The following LRRFIP1 variants were observed in gnomAD, a reference collection of about 807,000 sequenced individuals.
LRRFIP1 encodes the protein leucine-rich repeat flightless-interacting protein 1.
In LRRFIP1, 62 loss-of-function variants were observed where a neutral mutation model predicts 104.4. That is an observed-to-expected ratio of 0.59 (90% CI 0.48 to 0.73). LRRFIP1 has a LOEUF of 0.73. Ranked by LOEUF, LRRFIP1 falls within the 30% of genes least tolerant of loss-of-function variation. The probability of loss-of-function intolerance (pLI) is 0.00; values close to 1 mark genes in which losing one functional copy is unlikely to be tolerated. For synonymous variants in LRRFIP1, 300 were observed against 299.0 expected (o/e 1.00, Z -0.03); for missense variants, 796 against 824.5 (o/e 0.97, Z 0.42).
rs1345607364 is a variant in LRRFIP1, at chr2:237,649,010, G to A, written c.96+21270G>A. The stretch of plus-strand genomic sequence containing the variant: ...GGAGTTCCAGAAACAGGCATGGCTG[G>A]TGTGAGAGGAGGCGTCCTTGTCACC... On this transcript the variant is annotated intron_variant, in intron 1 of 23. Coordinates refer to ENST00000308482, the MANE Select transcript of LRRFIP1 (RefSeq NM_001137550.2). This position sits in a 1 kb window ranked among gnomAD's most constrained non-coding sequence, Gnocchi z 4.1. Among the ~76,000 whole-genome samples, 1 of 151,936 alleles carries A rather than the reference G, an allele frequency of 6.6e-6. No individual in the cohort carries two copies. Among genetic ancestry groups the A allele is most frequent in the African/African-American group, 2.4e-5 (1 of 41,446 alleles).
At chr2:237,775,992 A>C (rs2061063190) in intron 23 of LRRFIP1, among the ~76,000 whole-genome samples, 1 of 151,542 alleles carries the variant, frequency 6.6e-6, no homozygotes, top group South Asian at 2.1e-4. Context: ...TTTGAGACGG[A>C]GTCTGACTCT....
At chr2:237,765,920 GTGGTTCCACTCTT>G in intron 19 of LRRFIP1, 2 of 984,932 alleles carry the variant, frequency 2.0e-6, no homozygotes. Context: ...GTGCAAGCCT[GTGGTTCCACTCTT>G]TGGGCTGCTT....
intron 1 of LRRFIP1, among the ~76,000 whole-genome samples, chr2:237,665,178 T>TAA (rs1192845173): frequency 6.6e-6 from 1 of 152,132 alleles, no homozygotes; most frequent in East Asian, 1.9e-4. Context: ...TCAATGAAAC[T>TAA]AAAATTCTAA....
At chr2:237,680,012 G>A (rs946160202) in intron 1 of LRRFIP1, among the ~76,000 whole-genome samples, 3 of 152,118 alleles carry the variant, frequency 2.0e-5, no homozygotes, top group African/African-American at 7.2e-5. Flanking sequence ...ATTTACTGAA[G>A]GACATAGTCA....
chr2:237,745,369 CTTAA>C (rs1320979862), intron 11 of LRRFIP1, among the ~76,000 whole-genome samples: 1 of 152,186 alleles, frequency 6.6e-6, no homozygotes, highest in Non-Finnish European at 1.5e-5. Flanking sequence ...TCAACAAGAG[CTTAA>C]TTTTTAGTTT....
intron 1 of LRRFIP1, among the ~76,000 whole-genome samples, chr2:237,707,010 T>C (rs1238330300): frequency 6.6e-6 from 1 of 152,008 alleles, no homozygotes; most frequent in Non-Finnish European, 1.5e-5. Context: ...CCTGATGCAG[T>C]TGTGATTTTT....
rs1401010273 is a variant in LRRFIP1, at chr2:237,692,044, G to A, written c.97-16500G>A. The A allele has an allele frequency of 3.5e-4, 119 of 335,720 alleles. No individual in the cohort carries two copies. The East Asian group carries it at 0.02, about 55-fold the overall frequency. 20.8% of individuals were successfully genotyped at this position (335,720 alleles called of 1,614,324 possible). On this transcript the variant is annotated intron_variant, in intron 1 of 23. Coordinates refer to ENST00000308482, the MANE Select transcript of LRRFIP1 (RefSeq NM_001137550.2). Reference sequence around the variant, plus strand: ...GGACCCTCCGAGGCGGAGCGGCGCAGGGGGGCGGGGAAGGCGGGTCATGGG... The same window carrying A: ...GGACCCTCCGAGGCGGAGCGGCGCAAGGGGGCGGGGAAGGCGGGTCATGGG...
At chr2:237,767,736 T>C (rs577090114) in intron 19 of LRRFIP1, among the ~76,000 whole-genome samples, 2 of 152,320 alleles carry the variant, frequency 1.3e-5, no homozygotes, top group African/African-American at 4.8e-5. Flanking sequence ...TTGGGGCTCC[T>C]GTTTTCTATT....
At chr2:237,639,928 G>T (rs972532567) in intron 1 of LRRFIP1, among the ~76,000 whole-genome samples, 1 of 152,136 alleles carries the variant, frequency 6.6e-6, no homozygotes, top group Admixed American at 6.5e-5. Flanking sequence ...CATGCTTCCA[G>T]ACATTGTCAA....
At chr2:237,748,313 T>C (rs746900144) in intron 11 of LRRFIP1, 51 bp from the exon 12 acceptor site, 1 of 1,267,028 alleles carries the variant, frequency 7.9e-7, no homozygotes, top group South Asian at 1.2e-5. Context: ...CTTCATGTTA[T>C]CCATTTAATG....
Position 237,735,414 on chromosome 2 carries a change from T to TG in LRRFIP1, c.555+87dup, listed in dbSNP as rs1320088036. ...ATGCTCGCTGGGCAGGGTCCAGCCGTGGGGGGTGACTGGCCATTCTCAGGA... is the reference window on the plus strand; with the variant it reads ...ATGCTCGCTGGGCAGGGTCCAGCCGTGGGGGGGTGACTGGCCATTCTCAGGA... On this transcript the variant is annotated intron_variant, in intron 10 of 23. Coordinates refer to ENST00000308482, the MANE Select transcript of LRRFIP1 (RefSeq NM_001137550.2). The surrounding 1 kb of genome is among the most constrained non-coding windows in gnomAD (Gnocchi z 4.6). 5.9e-6 allele frequency: 8 copies of TG among 1,354,348 alleles called. No individual in the cohort carries two copies. The East Asian group carries it at 7.3e-5, about 12-fold the overall frequency. 83.9% of individuals were successfully genotyped at this position (1,354,348 alleles called of 1,614,324 possible).
intron 19 of LRRFIP1, chr2:237,762,553 T>C (rs3739044): frequency 0.039 from 55,937 of 1,425,468 alleles, 2,297 homozygotes; most frequent in East Asian, 0.15. Context: ...ATGTAGATTA[T>C]GTGGCCGCCA....
chr2:237,648,256 C>A (rs935867290), intron 1 of LRRFIP1, among the ~76,000 whole-genome samples: 4 of 151,900 alleles, frequency 2.6e-5, no homozygotes, highest in Admixed American at 2.6e-4. Context: ...TCTAAGGACG[C>A]AGGAGTCTAG....
At chr2:237,710,000 G>A (rs569729946) in intron 2 of LRRFIP1, among the ~76,000 whole-genome samples, 9 of 150,966 alleles carry the variant, frequency 6.0e-5, no homozygotes, top group Non-Finnish European at 8.9e-5. Flanking sequence ...TTATAGGTGC[G>A]CACCACCATG....
At chr2:237,705,106 G>A (rs916361971) in intron 1 of LRRFIP1, among the ~76,000 whole-genome samples, 36 of 152,108 alleles carry the variant, frequency 2.4e-4, no homozygotes, top group African/African-American at 8.2e-4. Flanking sequence ...GCTCAGGCAG[G>A]CGAGCTCTGC....
At position 237,648,568 on chromosome 2, in the gene LRRFIP1, G is replaced by GA. The variant is rs759576812; in HGVS notation, c.96+20840dup. Reference sequence around the variant, plus strand: ...CGTAATGAGACCCCCATCTCTACAAGAAAAAAAAAAAAGATACCGCAGTTC... The same window carrying GA: ...CGTAATGAGACCCCCATCTCTACAAGAAAAAAAAAAAAAGATACCGCAGTTC... On this transcript the variant is annotated intron_variant, in intron 1 of 23. Coordinates refer to ENST00000308482, the MANE Select transcript of LRRFIP1 (RefSeq NM_001137550.2). 3.3e-3 allele frequency among the ~76,000 whole-genome samples: 463 copies of GA among 141,190 alleles called. 3 individuals are homozygous for GA. Among genetic ancestry groups the GA allele is most frequent in the African/African-American group, 0.011 (422 of 38,678 alleles). 92.6% of individuals were successfully genotyped at this position (141,190 alleles called of 152,430 possible).
chr2:237,708,618 G>A lies in LRRFIP1; in HGVS notation c.171G>A (p.Arg57=). The change falls in exon 2 of 24, where the codon CGG becomes CGA. Residue 57 remains arginine (R), a synonymous_variant. Transcript: ENST00000308482. ...AGATCCGCATGAAGGAGCTGGAGCG[G>A]CAGCAGAAGGAGGTAACGCTTGGGG... ...AREIRMKELE[R]QQKEIYQVQK... is the part of the protein sequence containing the mutation. The A allele has an allele frequency of 1.3e-6, 2 of 1,598,426 alleles. No homozygotes were observed. The highest frequency in any genetic ancestry group is 8.5e-7 in the Non-Finnish European group (1 of 1,170,540).
At chr2:237,758,695 C>T in intron 17 of LRRFIP1, 34 bp from the exon 18 acceptor site, 1 of 1,501,318 alleles carries the variant, frequency 6.7e-7, no homozygotes, top group Non-Finnish European at 9.2e-7. Flanking sequence ...CTGTGCAAAT[C>T]TTCTTCTTTC....
chr2:237,636,875 C>T (rs2083198682), intron 1 of LRRFIP1, among the ~76,000 whole-genome samples: 1 of 152,204 alleles, frequency 6.6e-6, no homozygotes, highest in Non-Finnish European at 1.5e-5. Flanking sequence ...TGCCCTTGAC[C>T]ACCATGTCAG....
Sources: allele counts gnomAD v4.1 joint callset (sites outside exome capture counted in the v4.1 genomes callset), GRCh38; gene constraint gnomAD v4.1.1; non-coding constraint Gnocchi (gnomAD v3.1); transcripts MANE v1.5; gene names NCBI Gene and HGNC (gene_info 2026-07-23, HGNC 2026-07-21).